CHD6: variants seen among roughly 807,000 people sequenced by gnomAD.
CHD6 encodes the protein ATP-dependent chromatin remodeler CHD6.
Under a neutral mutation model 276.9 loss-of-function variants are expected in CHD6, and 50 were observed. The ratio of observed to expected loss-of-function variants is 0.18; its 90% CI spans 0.14 to 0.23. The LOEUF is 0.23. CHD6 is among the 10% of genes least tolerant of loss of function. The pLI is 1.00. For missense variants in CHD6, 2,564 were observed against 3,365.8 expected, an observed-to-expected ratio of 0.76 and a Z score of 5.89; for synonymous variants, 1,173 against 1,229.3, an observed-to-expected ratio of 0.95 and a Z score of 0.96.
intron 1 of CHD6, among the ~76,000 whole-genome samples, chr20:41,613,556 T>C (rs2146311757): frequency 6.6e-6 from 1 of 152,312 alleles, no homozygotes; most frequent in East Asian, 1.9e-4. Flanking sequence ...AGGGAATGCC[T>C]GAATGCTGCC....
intron 3 of CHD6, among the ~76,000 whole-genome samples, chr20:41,532,745 G>C (rs546791787): frequency 6.6e-6 from 1 of 152,286 alleles, no homozygotes; most frequent in East Asian, 1.9e-4. Flanking sequence ...TAAGTACTAA[G>C]ACCAAAAAGA....
At chr20:41,430,529 G>C (rs149317001) in intron 27 of CHD6, among the ~76,000 whole-genome samples, 38 of 152,252 alleles carry the variant, frequency 2.5e-4, no homozygotes, top group African/African-American at 9.1e-4. Context: ...ACTACGAAAA[G>C]AATACTTGAC....
intron 3 of CHD6, among the ~76,000 whole-genome samples, chr20:41,515,794 C>T (rs2044234986): frequency 6.6e-6 from 1 of 152,176 alleles, no homozygotes; most frequent in Admixed American, 6.6e-5. Context: ...TTATCAGACT[C>T]GAAGTTCCTA....
chr20:41,412,620 C>T (rs538358390), intron 35 of CHD6, among the ~76,000 whole-genome samples: 3 of 152,330 alleles, frequency 2.0e-5, no homozygotes, highest in Non-Finnish European at 2.9e-5. Flanking sequence ...TTTCGCCTGT[C>T]TCTGGAGGGT....
intron 2 of CHD6, among the ~76,000 whole-genome samples, chr20:41,540,871 T>C (rs141265212): frequency 6.6e-6 from 1 of 152,254 alleles, no homozygotes; most frequent in East Asian, 1.9e-4. Context: ...TCAAAGGAAG[T>C]GGTAACTGTT....
chr20:41,407,233 G>C (rs1407378268), intron 36 of CHD6, among the ~76,000 whole-genome samples: 1 of 152,162 alleles, frequency 6.6e-6, no homozygotes, highest in East Asian at 1.9e-4. Context: ...AGTCTGCAGA[G>C]TGGGGGGTGG....
chr20:41,479,577 G>A (rs2043248579), intron 16 of CHD6, among the ~76,000 whole-genome samples: 1 of 151,702 alleles, frequency 6.6e-6, no homozygotes, highest in African/African-American at 2.4e-5. Context: ...ATGAAAGACA[G>A]ATACAAACAA....
chr20:41,490,086 A>C lies in CHD6; in HGVS notation c.1437-65T>G, dbSNP rs2043511252. 3.6e-6 allele frequency: 5 copies of C among 1,399,994 alleles called. No homozygotes were observed. In the African/African-American group the frequency reaches 7.1e-5, roughly 20 times the overall value. 86.7% of individuals were successfully genotyped at this position (1,399,994 alleles called of 1,614,324 possible). On this transcript the variant is annotated intron_variant, in intron 11 of 36. Coordinates refer to ENST00000373233, the MANE Select transcript of CHD6 (RefSeq NM_032221.5). ...TAGGAAACTTATAGAGGCTGGTTATAACTTGAAAAGATGCTTCACATACCT... is the reference window on the plus strand; with the variant it reads ...TAGGAAACTTATAGAGGCTGGTTATCACTTGAAAAGATGCTTCACATACCT...
Position 41,533,179 on chromosome 20 carries a change from TGCTCCTTGGCCTTCTTCG to T in CHD6, c.407_424del (p.Pro136_Glu141del), listed in dbSNP as rs745890274. The T allele has an allele frequency of 3.7e-6, 6 of 1,613,946 alleles. No homozygotes were observed. Among genetic ancestry groups the T allele is most frequent in the African/African-American group, 2.7e-5 (2 of 74,942 alleles). Reference sequence around the variant, plus strand: ...CCCATCTTTTTGCTTCGGCTCCTTGTGCTCCTTGGCCTTCTTCGGCTCCTTGGCCTTTCTGGGTTCCTT... The same window carrying T: ...CCCATCTTTTTGCTTCGGCTCCTTGTGCTCCTTGGCCTTTCTGGGTTCCTT... On this transcript the variant is annotated inframe_deletion, in exon 3 of 37. Transcript: ENST00000373233.
intron 1 of CHD6, among the ~76,000 whole-genome samples, chr20:41,561,497 G>A (rs539809348): frequency 1.1e-4 from 16 of 152,200 alleles, no homozygotes; most frequent in African/African-American, 3.4e-4. Context: ...CTTCATCATT[G>A]TCTCTAATCT....
intron 18 of CHD6, 23 bp from the exon 19 acceptor site, chr20:41,456,002 C>T: frequency 1.3e-6 from 2 of 1,484,358 alleles, no homozygotes; most frequent in Non-Finnish European, 1.8e-6. Context: ...CCAAAGGCTA[C>T]TCACAAAGTG....
At chr20:41,444,694 A>G (rs1373588790) in intron 25 of CHD6, among the ~76,000 whole-genome samples, 5 of 152,146 alleles carry the variant, frequency 3.3e-5, no homozygotes, top group Admixed American at 3.3e-4. Context: ...GTAATATGGG[A>G]GAGTGGAATA....
intron 2 of CHD6, chr20:41,547,724 T>C: frequency 1.7e-6 from 1 of 587,644 alleles, no homozygotes; most frequent in Middle Eastern, 5.5e-4. Flanking sequence ...TTAAACACAG[T>C]GGAATTATCA....
In CHD6 at chr20:41,452,714, C is replaced by A. The variant is rs1280890135; in HGVS notation, c.3323+26G>T. 2 of 1,599,314 alleles carry A rather than the reference C, an allele frequency of 1.3e-6. No individual in the cohort carries two copies. The highest frequency in any genetic ancestry group is 1.7e-6 in the Non-Finnish European group (2 of 1,170,964). ...AGAGGGGAACAAACAACAATAACAA[C>A]AAAACTAAGCAGAGCCAATACCCAC... On this transcript the variant is annotated intron_variant, in intron 21 of 36. Transcript: ENST00000373233. The surrounding 1 kb of genome is among the most constrained non-coding windows in gnomAD (Gnocchi z 4.2).
At chr20:41,508,463 C>G (rs1264328228) in intron 5 of CHD6, among the ~76,000 whole-genome samples, 3 of 152,088 alleles carry the variant, frequency 2.0e-5, no homozygotes, top group Admixed American at 1.3e-4. Context: ...TGGTATCCGA[C>G]TGGGGAGAGC....
At chr20:41,462,288 A>T (rs73611279) in intron 17 of CHD6, among the ~76,000 whole-genome samples, 3,475 of 152,332 alleles carry the variant, frequency 0.023, 47 homozygotes, top group South Asian at 0.042. Context: ...AACCACATCA[A>T]TATCAGTACT....
intron 27 of CHD6, among the ~76,000 whole-genome samples, chr20:41,429,841 A>C (rs771105485): frequency 8.5e-5 from 13 of 152,182 alleles, no homozygotes; most frequent in Admixed American, 6.5e-5. Flanking sequence ...AGCCCCGCTA[A>C]AGAGGGAACG....
At chr20:41,574,401 G>A (rs962157255) in intron 1 of CHD6, among the ~76,000 whole-genome samples, 2 of 152,046 alleles carry the variant, frequency 1.3e-5, no homozygotes, top group Non-Finnish European at 2.9e-5. Flanking sequence ...CAGGTTCCTA[G>A]CTCCTCTACT....
intron 1 of CHD6, among the ~76,000 whole-genome samples, chr20:41,615,007 A>G (rs1420372440): frequency 6.6e-6 from 1 of 152,108 alleles, no homozygotes; most frequent in Non-Finnish European, 1.5e-5. Flanking sequence ...GAACTTAGGG[A>G]AGGTGTGTTA....
Sources: gnomAD v4.1 joint callset for allele counts (sites outside exome capture counted in the v4.1 genomes callset) on GRCh38, gnomAD v4.1.1 for gene constraint, Gnocchi (gnomAD v3.1) non-coding constraint, MANE v1.5 for transcripts, NCBI Gene and HGNC (gene_info 2026-07-23, HGNC 2026-07-21) for gene names.